CTNNA2: variants seen among roughly 807,000 people sequenced by gnomAD.
The protein encoded by CTNNA2 is catenin alpha 2.
In CTNNA2, 42 loss-of-function variants were observed where a neutral mutation model predicts 101.0. The ratio of observed to expected loss-of-function variants is 0.42; its 90% CI spans 0.32 to 0.54. The LOEUF (loss-of-function observed/expected upper bound fraction) is 0.54, where lower values mean the gene tolerates loss of function less well. Ranked by LOEUF, CTNNA2 falls within the 20% of genes least tolerant of loss-of-function variation. CTNNA2 has a pLI of 0.14. For missense variants in CTNNA2, 871 were observed against 1,223.1 expected (o/e 0.71, Z 4.29); for synonymous variants, 450 against 456.4 (o/e 0.99, Z 0.18).
At chr2:79,612,949 A>G (rs1558771304) in intron 1 of CTNNA2, among the ~76,000 whole-genome samples, 2 of 152,118 alleles carry the variant, frequency 1.3e-5, no homozygotes, top group African/African-American at 4.8e-5. Context: ...GTTAATTGTG[A>G]TATTCTTGTT....
At chr2:80,567,934 G>A (rs940333698) in intron 12 of CTNNA2, among the ~76,000 whole-genome samples, 2 of 152,006 alleles carry the variant, frequency 1.3e-5, no homozygotes, top group Non-Finnish European at 2.9e-5. Flanking sequence ...TCGAACAGGG[G>A]CTTTGTCTAT....
intron 18 of CTNNA2, among the ~76,000 whole-genome samples, chr2:80,627,486 CAT>C (rs1305597932): frequency 2.6e-5 from 4 of 152,104 alleles, no homozygotes; most frequent in Admixed American, 6.5e-5. Flanking sequence ...AGCATTATTT[CAT>C]ATGTTTGTTG....
At chr2:79,965,246 T>C (rs1689955982) in intron 7 of CTNNA2, among the ~76,000 whole-genome samples, 2 of 152,200 alleles carry the variant, frequency 1.3e-5, no homozygotes, top group South Asian at 2.1e-4. Flanking sequence ...TGCAACCTTT[T>C]TCTGCCAGGC....
chr2:79,234,380 T>C lies in CTNNA2; in HGVS notation c.-406+36304T>C, dbSNP rs537048561. On this transcript the variant is annotated intron_variant, in intron 2 of 21. Transcript: ENST00000466387. ...AAGAGGCTCCCACCATCCTCTGGCT[T>C]GTAGGGTTTCTGCTGAGAGATCTGC... 1.2e-4 allele frequency among the ~76,000 whole-genome samples: 19 copies of C among 152,302 alleles called. No homozygotes were observed. In the South Asian group the frequency reaches 3.7e-3, roughly 30 times the overall value.
intron 15 of CTNNA2, among the ~76,000 whole-genome samples, chr2:80,600,079 A>T (rs977934222): frequency 6.6e-6 from 1 of 151,978 alleles, no homozygotes; most frequent in Non-Finnish European, 1.5e-5. Context: ...TAAAGATAAA[A>T]GGGAATAAAA....
chr2:79,204,299 A>G (rs2104186977), intron 2 of CTNNA2, among the ~76,000 whole-genome samples: 1 of 152,282 alleles, frequency 6.6e-6, no homozygotes, highest in Non-Finnish European at 1.5e-5. Flanking sequence ...CTCTTTCTTC[A>G]TCGGACACCT....
At chr2:79,912,832 C>G (rs17018132) in intron 7 of CTNNA2, among the ~76,000 whole-genome samples, 24,472 of 152,074 alleles carry the variant, frequency 0.16, 2,123 homozygotes, top group East Asian at 0.25. Flanking sequence ...TTAAATAGTT[C>G]CAAATTATAG....
At chr2:80,330,464 A>G (rs1219384532) in intron 7 of CTNNA2, among the ~76,000 whole-genome samples, 1 of 152,066 alleles carries the variant, frequency 6.6e-6, no homozygotes, top group Non-Finnish European at 1.5e-5. Flanking sequence ...TTCTGACCCC[A>G]AAGTCATTAA....
intron 3 of CTNNA2, among the ~76,000 whole-genome samples, chr2:79,802,973 T>C (rs2105305631): frequency 6.6e-6 from 1 of 152,362 alleles, no homozygotes; most frequent in African/African-American, 2.4e-5. Context: ...TTAAAAGTTA[T>C]ATAAAAATAA....
chr2:80,138,254 A>T (rs1444746902), intron 7 of CTNNA2, among the ~76,000 whole-genome samples: 8 of 152,088 alleles, frequency 5.3e-5, no homozygotes, highest in Non-Finnish European at 7.4e-5. Flanking sequence ...ATCACCTCTA[A>T]TAAGAACATC....
At chr2:80,424,762 C>A (rs1002905797) in intron 9 of CTNNA2, among the ~76,000 whole-genome samples, 1 of 152,160 alleles carries the variant, frequency 6.6e-6, no homozygotes. Context: ...TTTAACACCA[C>A]GAGACTGAGT....
At chr2:79,823,132 T>G (rs926897445) in intron 3 of CTNNA2, among the ~76,000 whole-genome samples, 2 of 152,322 alleles carry the variant, frequency 1.3e-5, no homozygotes, top group East Asian at 3.9e-4. Flanking sequence ...TTTGTCTCTG[T>G]TGCAACTTTT....
At chr2:79,976,449 G>T (rs374160936) in intron 7 of CTNNA2, among the ~76,000 whole-genome samples, 1 of 152,076 alleles carries the variant, frequency 6.6e-6, no homozygotes, top group African/African-American at 2.4e-5. Flanking sequence ...GTCTCCATTC[G>T]AGAGCACTTT....
chr2:80,535,116 A>C (rs1323890602), intron 9 of CTNNA2, among the ~76,000 whole-genome samples: 4 of 152,176 alleles, frequency 2.6e-5, no homozygotes. Flanking sequence ...AAACTACGCA[A>C]GTGATCACAT....
chr2:79,260,203 C>G (rs896803585), intron 2 of CTNNA2, among the ~76,000 whole-genome samples: 1 of 152,100 alleles, frequency 6.6e-6, no homozygotes, highest in Non-Finnish European at 1.5e-5. Flanking sequence ...CAAGAAAGGC[C>G]TCACCCACCT....
intron 7 of CTNNA2, among the ~76,000 whole-genome samples, chr2:79,922,286 T>G (rs543758793): frequency 7.2e-5 from 11 of 152,310 alleles, no homozygotes; most frequent in African/African-American, 2.6e-4. Flanking sequence ...GCATATTATG[T>G]AAGTTTCACC....
intron 7 of CTNNA2, among the ~76,000 whole-genome samples, chr2:80,337,349 T>C (rs1003857093): frequency 1.7e-4 from 26 of 148,942 alleles, no homozygotes; most frequent in Admixed American, 8.7e-4. Context: ...AGCCAGACTC[T>C]GTCTCAAAAA....
chr2:79,764,655 C>T (rs1406371245), intron 3 of CTNNA2, among the ~76,000 whole-genome samples: 3 of 152,116 alleles, frequency 2.0e-5, no homozygotes, highest in African/African-American at 4.8e-5. Flanking sequence ...TCTCCAAAAG[C>T]CACAGAACAG....
chr2:79,485,500 C>T (rs552000940), intron 4 of CTNNA2, among the ~76,000 whole-genome samples: 4 of 152,278 alleles, frequency 2.6e-5, no homozygotes, highest in Admixed American at 6.5e-5. Flanking sequence ...TTGCAAATCG[C>T]TTTGAAATCT....
Sources: allele counts gnomAD v4.1 joint callset (sites outside exome capture counted in the v4.1 genomes callset), GRCh38; gene constraint gnomAD v4.1.1; transcripts MANE v1.5; gene names NCBI Gene and HGNC (gene_info 2026-07-23, HGNC 2026-07-21).